The following SLC9A7 variants were observed in gnomAD, a reference collection of about 807,000 sequenced individuals.
SLC9A7 encodes solute carrier family 9 member A7, also known as sodium/hydrogen exchanger 7.
A neutral mutation model predicts 52.6 loss-of-function variants in SLC9A7; 19 were observed. The ratio of observed to expected loss-of-function variants is 0.36; its 90% confidence interval spans 0.25 to 0.53. The LOEUF is 0.53. SLC9A7 is among the 20% of genes least tolerant of loss of function. The probability of loss-of-function intolerance (pLI) is 0.91; values close to 1 mark genes in which losing one functional copy is unlikely to be tolerated. For synonymous variants in SLC9A7, 226 were observed against 252.1 expected (o/e 0.90, Z 0.98); for missense variants, 455 against 597.9 (o/e 0.76, Z 2.49).
chrX:46,623,499 C>T (rs1943077331), intron 14 of SLC9A7, among the ~76,000 whole-genome samples: 1 of 110,833 alleles, frequency 9.0e-6, no homozygotes, highest in South Asian at 4.0e-4. Context: ...TGTGCAGAAG[C>T]GTGGCTTCTC....
intron 1 of SLC9A7, among the ~76,000 whole-genome samples, chrX:46,701,574 G>A (rs967725823): frequency 1.8e-5 from 2 of 111,284 alleles, no homozygotes; most frequent in African/African-American, 3.3e-5. Context: ...GCGACAGAGC[G>A]AGACTCTGTC....
At chrX:46,633,382 C>G (rs74884575) in intron 13 of SLC9A7, among the ~76,000 whole-genome samples, 2 of 17,586 alleles carry the variant, frequency 1.1e-4, no homozygotes, top group African/African-American at 2.0e-4. Flanking sequence ...AAAAAAAAAA[C>G]AGATCGGGGC....
At chrX:46,757,835 A>G (rs782333636) in intron 1 of SLC9A7, among the ~76,000 whole-genome samples, 2 of 111,344 alleles carry the variant, frequency 1.8e-5, no homozygotes, top group East Asian at 5.7e-4. Flanking sequence ...TGTACTGACC[A>G]CTGTGCATGT....
chrX:46,738,442 T>C (rs1401545321), intron 1 of SLC9A7, among the ~76,000 whole-genome samples: 1 of 112,242 alleles, frequency 8.9e-6, no homozygotes, highest in African/African-American at 3.2e-5. Context: ...AAGAACTGCC[T>C]GAATTATAGA....
At chrX:46,647,239 G>A (rs1158092371) in intron 11 of SLC9A7, 3 of 196,488 alleles carry the variant, frequency 1.5e-5, no homozygotes, top group Admixed American at 5.0e-5. Context: ...TGTGGCTCCC[G>A]GGCTCAGGGC....
intron 13 of SLC9A7, among the ~76,000 whole-genome samples, chrX:46,634,419 G>A (rs1188968059): frequency 9.0e-6 from 1 of 110,828 alleles, no homozygotes; most frequent in Non-Finnish European, 1.9e-5. Flanking sequence ...ATCTCGGAAA[G>A]TTTAGAAGTA....
chrX:46,690,859 ACGGT>A (rs1187618254), intron 1 of SLC9A7, among the ~76,000 whole-genome samples: 1 of 111,858 alleles, frequency 8.9e-6, no homozygotes, highest in Non-Finnish European at 1.9e-5. Flanking sequence ...TGTTAAAAAT[ACGGT>A]CTTTTCTCCA....
At chrX:46,628,892 A>T (rs997066825) in intron 14 of SLC9A7, among the ~76,000 whole-genome samples, 7 of 112,373 alleles carry the variant, frequency 6.2e-5, no homozygotes, top group Non-Finnish European at 1.3e-4. Context: ...GAGTGCACTG[A>T]GCCCTGCTGT....
At position 46,682,960 on chromosome X, in the gene SLC9A7, A is replaced by ATTTTTTTTTTT. The variant is rs1169630244; in HGVS notation, c.326-436_326-426dup. On this transcript the variant is annotated intron_variant, in intron 1 of 16. Transcript: ENST00000616978. Reference sequence around the variant, plus strand: ...AGGCACCCACCACTACACCCGGCTAATTTTTTTTTTTTTTTTTTTTTTGTA... The same window carrying ATTTTTTTTTTT: ...AGGCACCCACCACTACACCCGGCTAATTTTTTTTTTTTTTTTTTTTTTTTTTTTTTTTTGTA... 1.1e-3 allele frequency among the ~76,000 whole-genome samples: 72 copies of ATTTTTTTTTTT among 64,898 alleles called. 3 individuals are homozygous for ATTTTTTTTTTT. Among genetic ancestry groups the ATTTTTTTTTTT allele is most frequent in the African/African-American group, 3.0e-3 (43 of 14,351 alleles). 56.4% of individuals were successfully genotyped at this position (64,898 alleles called of 115,157 possible).
chrX:46,696,217 C>A (rs1288485124), intron 1 of SLC9A7, among the ~76,000 whole-genome samples: 1 of 110,617 alleles, frequency 9.0e-6, no homozygotes, highest in South Asian at 3.8e-4. Context: ...AACTCCTGGC[C>A]TCAGGTGATC....
intron 12 of SLC9A7, 59 bp from the exon 13 acceptor site, chrX:46,635,707 C>A (rs1191562588): frequency 1.1e-6 from 1 of 889,222 alleles, no homozygotes; most frequent in Admixed American, 2.3e-5. Context: ...GCCAGGAGCT[C>A]TGGGCAAATG....
intron 1 of SLC9A7, among the ~76,000 whole-genome samples, chrX:46,750,196 T>C (rs183434130): frequency 3.6e-4 from 40 of 111,806 alleles, no homozygotes; most frequent in African/African-American, 1.1e-3. Flanking sequence ...TTCTGCTCTA[T>C]CCTGGCCAAA....
At chrX:46,653,033 C>A (rs986843420) in intron 8 of SLC9A7, among the ~76,000 whole-genome samples, 1 of 112,299 alleles carries the variant, frequency 8.9e-6, no homozygotes, top group Non-Finnish European at 1.9e-5. Context: ...ACCTTAACAT[C>A]TACTTACAGT....
intron 5 of SLC9A7, among the ~76,000 whole-genome samples, chrX:46,667,120 C>G (rs145008684): frequency 2.7e-5 from 3 of 111,927 alleles, no homozygotes; most frequent in African/African-American, 6.5e-5. Flanking sequence ...CACTCAGTGC[C>G]TTACACGTGT....
intron 1 of SLC9A7, among the ~76,000 whole-genome samples, chrX:46,739,186 T>A (rs1921135658): frequency 8.9e-6 from 1 of 111,792 alleles, no homozygotes; most frequent in African/African-American, 3.3e-5. Flanking sequence ...TTCAGGCATA[T>A]ATTACCACAG....
At position 46,599,633 on chromosome X, in the gene SLC9A7, A is replaced by G. The variant is rs1942628910; in HGVS notation, c.*7319T>C. On this transcript the variant is annotated 3_prime_UTR_variant, in exon 17 of 17. Transcript: ENST00000616978. ...AAACATTGAGTAAAATGCTAGGGAA[A>G]GACGGCACTTTGGGGGCCTACTGCA... is the stretch of plus-strand genomic sequence containing the variant. 1 of 112,272 alleles carries G rather than the reference A, an allele frequency of 8.9e-6. No individual in the cohort carries two copies. Among genetic ancestry groups the G allele is most frequent in the Non-Finnish European group, 1.9e-5 (1 of 53,276 alleles). 9.3% of individuals were successfully genotyped at this position (112,272 alleles called of 1,213,427 possible).
At chrX:46,643,750 T>C (rs1380563064) in intron 11 of SLC9A7, among the ~76,000 whole-genome samples, 1 of 112,153 alleles carries the variant, frequency 8.9e-6, no homozygotes, top group South Asian at 3.7e-4. Context: ...ACAGTCAATA[T>C]AAATTTAAAA....
At chrX:46,672,717 G>T in intron 3 of SLC9A7, 90 bp from the exon 4 acceptor site, 1 of 638,209 alleles carries the variant, frequency 1.6e-6, no homozygotes, top group Non-Finnish European at 2.5e-6. Context: ...CTAAAAAGTG[G>T]AACTCTACTT....
intron 14 of SLC9A7, among the ~76,000 whole-genome samples, chrX:46,626,616 C>G (rs1943134245): frequency 8.9e-6 from 1 of 112,668 alleles, no homozygotes; most frequent in Non-Finnish European, 1.9e-5. Flanking sequence ...CCACAAGTCT[C>G]ATCTCAAGTT....
Sources: allele counts gnomAD v4.1 joint callset (sites outside exome capture counted in the v4.1 genomes callset), GRCh38; gene constraint gnomAD v4.1.1; transcripts MANE v1.5; gene names NCBI Gene and HGNC (gene_info 2026-07-23, HGNC 2026-07-21).